Variants in FRMPD1 observed in about 807,000 individuals in gnomAD.
FRMPD1 encodes the protein FERM and PDZ domain-containing protein 1.
In FRMPD1, 76 loss-of-function variants were observed where a neutral mutation model predicts 117.8. The observed-to-expected ratio is 0.65, with a 90% CI of 0.54 to 0.78. The LOEUF (loss-of-function observed/expected upper bound fraction) is 0.78. Ranked by LOEUF, FRMPD1 falls within the 30% of genes least tolerant of loss-of-function variation. FRMPD1 has a pLI of 0.00. For synonymous variants in FRMPD1, 783 were observed against 770.4 expected (o/e 1.02, Z -0.27); for missense variants, 1,786 against 1,964.5 (o/e 0.91, Z 1.72).
chr9:37,708,930 G>GGT (rs796694657), intron 4 of FRMPD1, among the ~76,000 whole-genome samples: 2 of 152,232 alleles, frequency 1.3e-5, no homozygotes, highest in African/African-American at 4.8e-5. Context: ...TATAATTGCA[G>GGT]GTGCATCTTG....
chr9:37,629,880 G>T, the FRMPD1 span, among the ~76,000 whole-genome samples: 1 of 152,140 alleles, frequency 6.6e-6, no homozygotes, highest in East Asian at 1.9e-4. Context: ...AGACTGAGTG[G>T]CTTACCAACA....
At chr9:37,689,807 C>G (rs967600175) in intron 1 of FRMPD1, among the ~76,000 whole-genome samples, 2 of 152,150 alleles carry the variant, frequency 1.3e-5, no homozygotes, top group African/African-American at 4.8e-5. Flanking sequence ...ACTGGGAATG[C>G]TTTTCCCTAA....
In FRMPD1 at chr9:37,745,741, C is replaced by T; in HGVS notation, c.3709C>T (p.Gln1237Ter). 1.2e-6 allele frequency: 2 copies of T among 1,614,182 alleles called. No individual in the cohort carries two copies. Among genetic ancestry groups the T allele is most frequent in the Non-Finnish European group, 1.7e-6 (2 of 1,180,018 alleles). Reference protein sequence around the residue: ...KAEAPNHVTGQDIAPRDSPEW... With the variant: ...KAEAPNHVTG ...AGAGGCACCTAACCATGTGACAGGG[C>T]AAGATATAGCCCCTAGGGACAGCCC... The change falls in exon 16 of 16, where the codon CAA becomes TAA. Residue 1237 changes from glutamine to a stop codon, truncating the protein, a stop_gained. Transcript: ENST00000377765. LOFTEE classifies it high-confidence loss of function.
chr9:37,693,084 ACT>A (rs748394351), intron 2 of FRMPD1: 4 of 254,348 alleles, frequency 1.6e-5, no homozygotes, highest in South Asian at 7.2e-5. Flanking sequence ...TCATACATAC[ACT>A]CTTTTGATCT....
At chr9:37,728,003 GCCCA>G (rs1823689785) in intron 7 of FRMPD1, 1 of 152,254 alleles carries the variant, frequency 6.6e-6, no homozygotes, top group Admixed American at 6.5e-5. Context: ...CACAGGCAAG[GCCCA>G]CATCCTCAGA....
chr9:37,639,325 G>T, the FRMPD1 span, among the ~76,000 whole-genome samples: 1 of 151,966 alleles, frequency 6.6e-6, no homozygotes, highest in South Asian at 2.1e-4. Flanking sequence ...TCTGAGAACT[G>T]CCTGGAGCTA....
upstream of FRMPD1, among the ~76,000 whole-genome samples, chr9:37,647,966 G>A (rs1046369475): frequency 6.6e-6 from 1 of 152,208 alleles, no homozygotes; most frequent in Admixed American, 6.5e-5. Flanking sequence ...GGAATCTTGG[G>A]TAAGCGACTT....
At chr9:37,659,771 C>T (rs1026592441) in intron 1 of FRMPD1, among the ~76,000 whole-genome samples, 1 of 151,988 alleles carries the variant, frequency 6.6e-6, no homozygotes, top group African/African-American at 2.4e-5. Context: ...TACAACTAGC[C>T]TGTTTCAGAA....
intron 1 of FRMPD1, among the ~76,000 whole-genome samples, chr9:37,681,847 C>G (rs1372699483): frequency 6.6e-6 from 1 of 152,162 alleles, no homozygotes; most frequent in Non-Finnish European, 1.5e-5. Context: ...AGTTTACAAT[C>G]TGAGGGACAG....
rs927677060 is a variant in FRMPD1 at position 37,745,561 on chromosome 9, C to T, written c.3529C>T (p.Pro1177Ser). The change falls in exon 16 of 16, where the codon CCC (proline) becomes TCC (serine). Residue 1177 changes from proline (P) to serine (S), a missense_variant. Pro to Ser is a moderately conservative substitution (Grantham distance 74). Coordinates refer to ENST00000377765, the MANE Select transcript of FRMPD1 (RefSeq NM_014907.3). The stretch of plus-strand genomic sequence containing the variant: ...AGGGACCGAGCAGATCCCACCACAT[C>T]CCCCTAGAGACCCTCAAGGACAGAG... ...VTGTEQIPPH[P>S]PRDPQGQSRE... The T allele has an allele frequency of 6.2e-7, 1 of 1,613,932 alleles. No individual in the cohort carries two copies. The highest frequency in any genetic ancestry group is 8.5e-7 in the Non-Finnish European group (1 of 1,179,802).
chr9:37,685,379 C>T (rs560626665), intron 1 of FRMPD1, among the ~76,000 whole-genome samples: 30 of 152,120 alleles, frequency 2.0e-4, no homozygotes, highest in Middle Eastern at 3.4e-3. Context: ...CGCAGTGGCT[C>T]ACGCCTGTAA....
At chr9:37,616,931 G>A in the FRMPD1 span, among the ~76,000 whole-genome samples, 1 of 152,192 alleles carries the variant, frequency 6.6e-6, no homozygotes, top group Non-Finnish European at 1.5e-5. Context: ...AGGGTTGAAC[G>A]ACCCCTCTTA....
At chr9:37,664,242 G>T (rs1821087372) in intron 1 of FRMPD1, among the ~76,000 whole-genome samples, 2 of 152,120 alleles carry the variant, frequency 1.3e-5, no homozygotes, top group Middle Eastern at 3.4e-3. Flanking sequence ...TGGTGGGGTG[G>T]GGGAGATGCC....
At chr9:37,634,886 C>T in the FRMPD1 span, among the ~76,000 whole-genome samples, 1 of 151,986 alleles carries the variant, frequency 6.6e-6, no homozygotes, top group Non-Finnish European at 1.5e-5. Context: ...CCCTCACCCC[C>T]AATCCCCCAA....
intron 13 of FRMPD1, 129 bp downstream of exon 13, chr9:37,735,863 T>C: frequency 1.5e-6 from 1 of 654,286 alleles, no homozygotes; most frequent in Non-Finnish European, 2.5e-6. Context: ...GAGGACGAAT[T>C]GTCCATCCTG....
At chr9:37,709,277 T>G (rs191175390) in intron 4 of FRMPD1, among the ~76,000 whole-genome samples, 157 of 150,484 alleles carry the variant, frequency 1.0e-3, no homozygotes, top group Middle Eastern at 3.4e-3. Flanking sequence ...CTTGAAGAGA[T>G]ATATATATAT....
At chr9:37,612,441 C>T in the FRMPD1 span, among the ~76,000 whole-genome samples, 8 of 151,926 alleles carry the variant, frequency 5.3e-5, no homozygotes, top group African/African-American at 1.4e-4. Context: ...CTCCGCTTCT[C>T]GGGTTCCAGC....
chr9:37,701,488 TGCGC>T (rs146699048), intron 2 of FRMPD1, among the ~76,000 whole-genome samples: 1,429 of 108,866 alleles, frequency 0.013, 18 homozygotes, highest in African/African-American at 0.036. Flanking sequence ...TGTGTGTGTG[TGCGC>T]GCGTGTGTGT....
chr9:37,643,414 G>C, the FRMPD1 span, among the ~76,000 whole-genome samples: 3 of 151,896 alleles, frequency 2.0e-5, no homozygotes, highest in Non-Finnish European at 4.4e-5. Context: ...TGGTACTGTG[G>C]GGTAGTTCTC....
Sources: allele counts gnomAD v4.1 joint callset (sites outside exome capture counted in the v4.1 genomes callset), GRCh38; gene constraint gnomAD v4.1.1; transcripts MANE v1.5; gene names NCBI Gene and HGNC (gene_info 2026-07-23, HGNC 2026-07-21).